Variants in KIF17 observed in about 807,000 individuals in gnomAD.
KIF17 encodes the protein kinesin family member 17.
Under a neutral mutation model 96.8 loss-of-function variants are expected in KIF17, and 80 were observed. The ratio of observed to expected loss-of-function variants is 0.83; its 90% CI spans 0.69 to 1.00. The LOEUF is 1.00. Among genes scored for constraint, KIF17 ranks in the 50% least tolerant of loss-of-function variants. The pLI is 0.00. For missense variants in KIF17, 1,280 were observed against 1,372.9 expected, an observed-to-expected ratio of 0.93 and a Z score of 1.07; for synonymous variants, 567 against 587.5, an observed-to-expected ratio of 0.97 and a Z score of 0.51.
At position 20,683,016 on chromosome 1, in the gene KIF17, C is replaced by T. The variant is rs116460177; in HGVS notation, c.2232-132G>A. The T allele has an allele frequency of 1.0e-3, 752 of 720,170 alleles. 2 individuals are homozygous for T. The highest frequency in any genetic ancestry group is 9.8e-3 in the African/African-American group (561 of 57,066). The allele number at this position is 720,170 out of a possible 1,614,324, so 44.6% of individuals were successfully genotyped here. ...AACCCCACTTCACAGGGAGGGAAAC[C>T]GAGGCTCGGCGACAGGACGCTGCTT... On this transcript the variant is annotated intron_variant, in intron 10 of 14. Transcript: ENST00000400463.
At chr1:20,676,413 A>G (rs981154115) in intron 11 of KIF17, among the ~76,000 whole-genome samples, 1 of 152,224 alleles carries the variant, frequency 6.6e-6, no homozygotes, top group Non-Finnish European at 1.5e-5. Flanking sequence ...TGTAGAAAAG[A>G]AAAAGAACAA....
At chr1:20,688,045 T>G (rs948303388) in intron 7 of KIF17, 101 bp from the exon 8 acceptor site, 50 of 956,832 alleles carry the variant, frequency 5.2e-5, no homozygotes, top group Non-Finnish European at 6.9e-5. Flanking sequence ...TTTTTGTTTG[T>G]TTTTTTTTTG....
Position 20,685,281 on chromosome 1 carries a change from A to C in KIF17, c.2020-261T>G, listed in dbSNP as rs1236886713. 1 of 663,862 alleles carries C rather than the reference A, an allele frequency of 1.5e-6. No homozygotes were observed. The highest frequency in any genetic ancestry group is 3.0e-5 in the East Asian group (1 of 33,894). 41.1% of individuals were successfully genotyped at this position (663,862 alleles called of 1,614,324 possible). A position where few individuals can be genotyped will look rare whatever the true frequency, so the allele number is the denominator to read the frequency against. ...CACAATCCAGTCTCCACAGGCAGCCAGGGCCATCTTAAAATAGAAACCGAT... is the reference window on the plus strand; with the variant it reads ...CACAATCCAGTCTCCACAGGCAGCCCGGGCCATCTTAAAATAGAAACCGAT... On this transcript the variant is annotated intron_variant, in intron 9 of 14. Transcript: ENST00000400463. This position sits in a 1 kb window ranked among gnomAD's most constrained non-coding sequence, Gnocchi z 4.1.
At chr1:20,715,948 A>T (rs1321263321) in intron 1 of KIF17, among the ~76,000 whole-genome samples, 23 of 152,180 alleles carry the variant, frequency 1.5e-4, no homozygotes, top group Non-Finnish European at 1.5e-5. Flanking sequence ...TGATAAGATG[A>T]TAAGAAAAAC....
intron 1 of KIF17, 62 bp from the exon 2 acceptor site, chr1:20,715,701 G>C: frequency 6.2e-7 from 1 of 1,603,520 alleles, no homozygotes; most frequent in Non-Finnish European, 8.5e-7. Flanking sequence ...GCTCGGGACA[G>C]GGCTCCCTAA....
At chr1:20,705,615 C>T (rs2054327298) in intron 4 of KIF17, among the ~76,000 whole-genome samples, 2 of 152,202 alleles carry the variant, frequency 1.3e-5, no homozygotes, top group African/African-American at 4.8e-5. Flanking sequence ...TCTACGGTCC[C>T]CCATGTCTGT....
In KIF17 at chr1:20,699,319, G is replaced by C. The variant is rs1003692524; in HGVS notation, c.1124-831C>G. 2.0e-5 allele frequency among the ~76,000 whole-genome samples: 3 copies of C among 152,140 alleles called. No individual in the cohort carries two copies. Among genetic ancestry groups the C allele is most frequent in the Non-Finnish European group, 2.9e-5 (2 of 68,022 alleles). On this transcript the variant is annotated intron_variant, in intron 5 of 14. Transcript: ENST00000400463. The surrounding 1 kb of genome is among the most constrained non-coding windows in gnomAD (Gnocchi z 4.3). ...TGTCTGTAACCCCAGCACTTTGGGA[G>C]GCCTAGGCGGGTGGATCACTTGAGG...
At position 20,704,289 on chromosome 1, in the gene KIF17, C is replaced by T. The variant is rs1448456411; in HGVS notation, c.1123+158G>A. 1.4e-5 allele frequency among the ~76,000 whole-genome samples: 2 copies of T among 142,346 alleles called. No individual in the cohort carries two copies. Among genetic ancestry groups the T allele is most frequent in the Admixed American group, 7.0e-5 (1 of 14,368 alleles). The allele number at this position is 142,346 out of a possible 152,430, so 93.4% of individuals were successfully genotyped here. ...ACTGACAAGCAGATACCATCTGGGC[C>T]GTCTCCAACCAGGGCCCTGCGCTCA... On this transcript the variant is annotated intron_variant, in intron 5 of 14. Transcript: ENST00000400463. The surrounding 1 kb of genome is among the most constrained non-coding windows in gnomAD (Gnocchi z 6.8).
intron 7 of KIF17, 140 bp downstream of exon 7, chr1:20,690,048 C>A (rs2054010494): frequency 3.4e-6 from 3 of 878,524 alleles, no homozygotes; most frequent in Admixed American, 2.1e-5. Flanking sequence ...AATTGTGGTA[C>A]CTACCTTACT....
rs1261855433 is a variant in KIF17 at position 20,685,116 on chromosome 1, C to T, written c.2020-96G>A. ...CTCAATCCCAGACGGGGCCATTCCGCCTGCTGCAGCCCCGACAGATCACCT... is the reference window on the plus strand; with the variant it reads ...CTCAATCCCAGACGGGGCCATTCCGTCTGCTGCAGCCCCGACAGATCACCT... On this transcript the variant is annotated intron_variant, in intron 9 of 14. Transcript: ENST00000400463. This position sits in a 1 kb window ranked among gnomAD's most constrained non-coding sequence, Gnocchi z 4.1. 1 of 922,074 alleles carries T rather than the reference C, an allele frequency of 1.1e-6. No homozygotes were observed. The highest frequency in any genetic ancestry group is 1.7e-6 in the Non-Finnish European group (1 of 573,416). 57.1% of individuals were successfully genotyped at this position (922,074 alleles called of 1,614,324 possible). A position where few individuals can be genotyped will look rare whatever the true frequency, so the allele number is the denominator to read the frequency against.
At chr1:20,667,312 C>T (rs1040080322) in intron 13 of KIF17, among the ~76,000 whole-genome samples, 1 of 152,172 alleles carries the variant, frequency 6.6e-6, no homozygotes, top group African/African-American at 2.4e-5. Context: ...GGTTGTGGTT[C>T]TTATGAGAAT....
rs769607660 is a variant in KIF17, at chr1:20,671,956, T to G, written c.2704A>C (p.Lys902Gln). ...TCCTGACCTACTGGGAGGCTGGTTT[T>G]TGTGATGACGGGATGTGGGATCTTC... is the stretch of plus-strand genomic sequence containing the variant. The part of the protein sequence containing the change: ...FWKIPHPVIT[K>Q]TSLPVVSTGP... Residue 902 changes from lysine to glutamine, a missense_variant, in exon 12 of 15, where the codon AAA becomes CAA. Transcript: ENST00000400463. 17 of 1,613,722 alleles carry G rather than the reference T, an allele frequency of 1.1e-5. No homozygotes were observed. Among genetic ancestry groups the G allele is most frequent in the Non-Finnish European group, 1.4e-5 (16 of 1,180,024 alleles).
In KIF17 at chr1:20,666,251, G is replaced by T. The variant is rs762555971; in HGVS notation, c.2871C>A (p.Ala957=). ...TGGCGTCTGTGCTGAGGATCTGGCTGGCCCGCTTAGATCGGAAGTAGTTGC... is the reference window on the plus strand; with the variant it reads ...TGGCGTCTGTGCTGAGGATCTGGCTTGCCCGCTTAGATCGGAAGTAGTTGC... The part of the protein sequence containing the change: ...IASNYFRSKR[A]SQILSTDARK... Residue 957 remains alanine, a synonymous_variant, in exon 14 of 15, where the codon GCC becomes GCA. Coordinates refer to ENST00000400463, the MANE Select transcript of KIF17 (RefSeq NM_001122819.3). 1.1e-5 allele frequency: 17 copies of T among 1,614,048 alleles called. No homozygotes were observed. Among genetic ancestry groups the T allele is most frequent in the Non-Finnish European group, 1.3e-5 (15 of 1,179,998 alleles).
chr1:20,704,905 C>T lies in KIF17; in HGVS notation c.671-6G>A. ...GTGGTCCTTGCCCCGCTCATCTGCA[C>T]ACAGACCAGGCAAAGTGGCGAGGGC... On this transcript the variant is annotated splice_polypyrimidine_tract_variant and splice_region_variant and intron_variant, in intron 4 of 14. Transcript: ENST00000400463. The surrounding 1 kb of genome is among the most constrained non-coding windows in gnomAD (Gnocchi z 6.8). 5 of 1,599,418 alleles carry T rather than the reference C, an allele frequency of 3.1e-6. No homozygotes were observed. The highest frequency in any genetic ancestry group is 4.2e-6 in the Non-Finnish European group (5 of 1,179,656).
rs556510089 is a variant in KIF17, at chr1:20,669,015, C to T, written c.2790+1406G>A. On this transcript the variant is annotated intron_variant, in intron 13 of 14. Transcript: ENST00000400463. The stretch of plus-strand genomic sequence containing the variant: ...AGACACAAGGACACCAAGAGGGGGT[C>T]CAGCTGCTTGGGTCCCTCTCTGGTG... Among the ~76,000 whole-genome samples the T allele has an allele frequency of 5.9e-5, 9 of 152,232 alleles. 1 individual carries two copies. The South Asian group carries it at 1.9e-3, about 32-fold the overall frequency.
chr1:20,711,464 G>A (rs557354237), intron 3 of KIF17, among the ~76,000 whole-genome samples: 4 of 152,130 alleles, frequency 2.6e-5, no homozygotes, highest in Admixed American at 2.0e-4. Flanking sequence ...TCTCTGCTGC[G>A]GAGAGGCCAG....
intron 7 of KIF17, among the ~76,000 whole-genome samples, chr1:20,688,184 G>C (rs559230023): frequency 1.3e-4 from 20 of 151,912 alleles, no homozygotes; most frequent in Non-Finnish European, 2.4e-4. Context: ...GTAGCTGGGA[G>C]TACAGGCACC....
At chr1:20,686,234 C>T in intron 8 of KIF17, 108 bp from the exon 9 acceptor site, 1 of 819,678 alleles carries the variant, frequency 1.2e-6, no homozygotes. Flanking sequence ...CTCCCACCAC[C>T]CCCCAACCTC....
At chr1:20,708,012 T>C (rs2054374129) in intron 4 of KIF17, among the ~76,000 whole-genome samples, 1 of 151,950 alleles carries the variant, frequency 6.6e-6, no homozygotes, top group South Asian at 2.1e-4. Context: ...CCATCATCAC[T>C]GAGCTCACAT....
Sources: gnomAD v4.1 joint callset for allele counts (sites outside exome capture counted in the v4.1 genomes callset) on GRCh38, gnomAD v4.1.1 for gene constraint, Gnocchi (gnomAD v3.1) non-coding constraint, MANE v1.5 for transcripts, NCBI Gene and HGNC (gene_info 2026-07-23, HGNC 2026-07-21) for gene names.